The following POC1A variants were observed in gnomAD, a reference collection of about 807,000 sequenced individuals.
The protein encoded by POC1A is POC1 centriolar protein homolog A.
POC1A carries 34 observed loss-of-function variants against 47.8 expected under a neutral mutation model. That is an observed-to-expected ratio of 0.71 (90% CI 0.54 to 0.95). The LOEUF is 0.95. Among genes scored for constraint, POC1A ranks in the 40% least tolerant of loss-of-function variants. The pLI, the probability that POC1A is intolerant of heterozygous loss-of-function variation, is 0.00. For missense variants in POC1A, 466 were observed against 528.3 expected (o/e 0.88, Z 1.16); for synonymous variants, 177 against 207.6 (o/e 0.85, Z 1.27).
At chr3:52,122,892 A>G (rs1703842274) in intron 8 of POC1A, among the ~76,000 whole-genome samples, 1 of 152,186 alleles carries the variant, frequency 6.6e-6, no homozygotes, top group Non-Finnish European at 1.5e-5. Flanking sequence ...CAGAGTAGGG[A>G]GTTATTTAAT....
chr3:52,112,501 G>A (rs1703419568), intron 9 of POC1A, among the ~76,000 whole-genome samples: 1 of 152,156 alleles, frequency 6.6e-6, no homozygotes, highest in Non-Finnish European at 1.5e-5. Context: ...AATTAGCCAG[G>A]TGTGGTGGTG....
At chr3:52,141,584 G>A (rs1698195719) in intron 6 of POC1A, among the ~76,000 whole-genome samples, 1 of 152,202 alleles carries the variant, frequency 6.6e-6, no homozygotes, top group Non-Finnish European at 1.5e-5. Flanking sequence ...AGGACAGTGG[G>A]AGAGTAGGTT....
intron 9 of POC1A, 145 bp from the exon 10 acceptor site, chr3:52,096,857 GT>G: frequency 1.4e-6 from 1 of 704,112 alleles, no homozygotes; most frequent in Non-Finnish European, 2.3e-6. Flanking sequence ...AAACAGCAGC[GT>G]GGCGGTGTTC....
chr3:52,142,740 G>A (rs192822900), intron 6 of POC1A, among the ~76,000 whole-genome samples: 20 of 152,274 alleles, frequency 1.3e-4, no homozygotes, highest in Admixed American at 6.5e-4. Flanking sequence ...GACAGAAAGC[G>A]GATCAGGCAT....
chr3:52,129,780 T>G (rs1704141020), intron 7 of POC1A, among the ~76,000 whole-genome samples: 1 of 152,234 alleles, frequency 6.6e-6, no homozygotes, highest in Non-Finnish European at 1.5e-5. Flanking sequence ...CTACTCTACC[T>G]GCTAACCGGG....
intron 10 of POC1A, among the ~76,000 whole-genome samples, chr3:52,078,767 G>A (rs928567988): frequency 1.3e-5 from 2 of 152,136 alleles, no homozygotes; most frequent in African/African-American, 4.8e-5. Context: ...CCAAAATGTT[G>A]GGATTACAGG....
chr3:52,125,316 C>G (rs1469599812), intron 7 of POC1A, 135 bp from the exon 8 acceptor site: 2 of 689,782 alleles, frequency 2.9e-6, no homozygotes, highest in Non-Finnish European at 4.9e-6. Context: ...CCACAGTCCT[C>G]CGTAACCTGT....
intron 10 of POC1A, among the ~76,000 whole-genome samples, chr3:52,093,759 A>C (rs1702719027): frequency 6.6e-6 from 1 of 152,186 alleles, no homozygotes; most frequent in African/African-American, 2.4e-5. Context: ...GAGCCGCTGA[A>C]GGGGTCACCC....
chr3:52,153,503 G>T (rs960074012), intron 1 of POC1A, among the ~76,000 whole-genome samples: 3 of 152,222 alleles, frequency 2.0e-5, no homozygotes, highest in Admixed American at 6.5e-5. Context: ...GCAGCTGGGG[G>T]AGGGTCCCCA....
chr3:52,142,957 G>C (rs1478424552), intron 6 of POC1A, among the ~76,000 whole-genome samples: 2 of 152,126 alleles, frequency 1.3e-5, no homozygotes, highest in East Asian at 3.9e-4. Flanking sequence ...TACCCAGGGA[G>C]CTCAGATCAA....
chr3:52,120,241 A>T (rs545598272), intron 9 of POC1A, among the ~76,000 whole-genome samples: 1 of 62,932 alleles, frequency 1.6e-5, no homozygotes, highest in South Asian at 6.6e-4. Context: ...TTAAAATGGT[A>T]AACTTTGTGT....
At chr3:52,148,549 T>C (rs1577925604) in intron 4 of POC1A, among the ~76,000 whole-genome samples, 1 of 152,238 alleles carries the variant, frequency 6.6e-6, no homozygotes, top group Non-Finnish European at 1.5e-5. Flanking sequence ...TCTTGGACCT[T>C]GAAAGGTCCT....
At chr3:52,154,257 GC>G in intron 1 of POC1A, 97 bp downstream of exon 1, 1 of 1,317,602 alleles carries the variant, frequency 7.6e-7, no homozygotes, top group Non-Finnish European at 1.1e-6. Context: ...GGAACCTGGC[GC>G]CCCGCCCGCC....
chr3:52,086,392 G>T (rs948600512), intron 10 of POC1A, among the ~76,000 whole-genome samples: 3 of 152,170 alleles, frequency 2.0e-5, no homozygotes, highest in Non-Finnish European at 4.4e-5. Context: ...CCTGTAGCAT[G>T]GTTTTGACTT....
chr3:52,154,406 G>A lies in POC1A; in HGVS notation c.-34C>T. On this transcript the variant is annotated 5_prime_UTR_variant, in exon 1 of 11. Transcript: ENST00000296484. Reference sequence around the variant, plus strand: ...TGGCGGCGCCGAAGGCAGCTGCGGTGGCCGTTGCGGCCCGTTCAGTTTCCG... The same window carrying A: ...TGGCGGCGCCGAAGGCAGCTGCGGTAGCCGTTGCGGCCCGTTCAGTTTCCG... 2 of 1,428,008 alleles carry A rather than the reference G, an allele frequency of 1.4e-6. No homozygotes were observed. The highest frequency in any genetic ancestry group is 2.9e-5 in the East Asian group (1 of 33,936). The allele number at this position is 1,428,008 out of a possible 1,614,324, so 88.5% of individuals were successfully genotyped here.
At chr3:52,125,205 C>G (rs1411929343) in intron 7 of POC1A, 24 bp from the exon 8 acceptor site, 1 of 1,584,398 alleles carries the variant, frequency 6.3e-7, no homozygotes, top group East Asian at 2.2e-5. Context: ...CAAAAAATAA[C>G]ACACATCAAA....
intron 6 of POC1A, among the ~76,000 whole-genome samples, chr3:52,144,697 GC>G (rs1559850376): frequency 6.6e-6 from 1 of 152,158 alleles, no homozygotes; most frequent in African/African-American, 2.4e-5. Flanking sequence ...CAAATGACCT[GC>G]CCAATATCAC....
At position 52,114,117 on chromosome 3, in the gene POC1A, C is replaced by T. The variant is rs139698248; in HGVS notation, c.981+8262G>A. Among the ~76,000 whole-genome samples the T allele has an allele frequency of 5.5e-3, 845 of 152,368 alleles. 6 individuals are homozygous for T. The highest frequency in any genetic ancestry group is 0.02 in the Middle Eastern group (6 of 294). Reference sequence around the variant, plus strand: ...TGCTCAGACCAGCATACTAGGGCAGCGCAGCTCTTACTGCCAACTAAGTTC... The same window carrying T: ...TGCTCAGACCAGCATACTAGGGCAGTGCAGCTCTTACTGCCAACTAAGTTC... On this transcript the variant is annotated intron_variant, in intron 9 of 10. Transcript: ENST00000296484.
intron 9 of POC1A, among the ~76,000 whole-genome samples, chr3:52,110,008 C>G (rs1454535997): frequency 1.3e-5 from 2 of 152,134 alleles, no homozygotes; most frequent in African/African-American, 2.4e-5. Flanking sequence ...CATCTGCCCC[C>G]CAAAACTGAC....
Sources: allele counts gnomAD v4.1 joint callset (sites outside exome capture counted in the v4.1 genomes callset), GRCh38; gene constraint gnomAD v4.1.1; transcripts MANE v1.5; gene names NCBI Gene and HGNC (gene_info 2026-07-23, HGNC 2026-07-21).